TEAD1: variants seen among roughly 807,000 people sequenced by gnomAD.
TEAD1 encodes the protein TEA domain transcription factor 1, also known as transcriptional enhancer factor TEF-1.
In TEAD1, 9 loss-of-function variants were observed where a neutral mutation model predicts 54.9. That is an observed-to-expected ratio of 0.16 (90% CI 0.10 to 0.29). The LOEUF is 0.29. TEAD1 is among the 10% of genes least tolerant of loss of function. The pLI is 1.00. For missense variants in TEAD1, 387 were observed against 535.9 expected (o/e 0.72, Z 2.74); for synonymous variants, 200 against 187.8 (o/e 1.07, Z -0.53).
At chr11:12,903,856 T>C (rs1265258644) in intron 10 of TEAD1, among the ~76,000 whole-genome samples, 4 of 152,206 alleles carry the variant, frequency 2.6e-5, no homozygotes, top group Non-Finnish European at 5.9e-5. Flanking sequence ...TCTACTTATA[T>C]TAATGGATGT....
At chr11:12,698,993 A>G (rs952730324) in intron 2 of TEAD1, among the ~76,000 whole-genome samples, 4 of 152,228 alleles carry the variant, frequency 2.6e-5, no homozygotes, top group African/African-American at 9.6e-5. Flanking sequence ...TTATTTGCAT[A>G]CTAAAGACTT....
At chr11:12,917,497 T>G (rs12799907) in intron 10 of TEAD1, among the ~76,000 whole-genome samples, 24,439 of 152,242 alleles carry the variant, frequency 0.16, 2,143 homozygotes, top group Admixed American at 0.21. Flanking sequence ...GAAAAAAGCA[T>G]TAACAGTTAA....
chr11:12,831,328 C>A lies in TEAD1; in HGVS notation c.203-30922C>A, dbSNP rs553073141. On this transcript the variant is annotated intron_variant, in intron 3 of 12. Coordinates refer to ENST00000527636, the MANE Select transcript of TEAD1 (RefSeq NM_021961.6). The stretch of plus-strand genomic sequence containing the variant: ...CCCTCTGCCAGCTGAGGGCTTTCTT[C>A]TTTCCCTGAATTCCCCCAGTGCCCT... Among the ~76,000 whole-genome samples the A allele has an allele frequency of 7.2e-5, 11 of 152,282 alleles. No homozygotes were observed. The East Asian group carries it at 1.9e-3, about 27-fold the overall frequency.
chr11:12,921,111 C>T (rs1948797161), intron 10 of TEAD1: 1 of 152,210 alleles, frequency 6.6e-6, no homozygotes, highest in Non-Finnish European at 1.5e-5. Context: ...CTGAATATCT[C>T]TGAAAGGACA....
At chr11:12,841,366 G>T (rs1429884478) in intron 3 of TEAD1, among the ~76,000 whole-genome samples, 1 of 152,232 alleles carries the variant, frequency 6.6e-6, no homozygotes, top group Admixed American at 6.5e-5. Flanking sequence ...TCTGTCTGCT[G>T]TGAGTGCAGC....
chr11:12,736,777 G>C lies in TEAD1; in HGVS notation c.-54-27402G>C, dbSNP rs75662741. 7.8e-3 allele frequency among the ~76,000 whole-genome samples: 1,185 copies of C among 152,182 alleles called. 20 individuals are homozygous for C. The highest frequency in any genetic ancestry group is 0.027 in the African/African-American group (1,132 of 41,510). On this transcript the variant is annotated intron_variant, in intron 2 of 12. Coordinates refer to ENST00000527636, the MANE Select transcript of TEAD1 (RefSeq NM_021961.6). ...AAAGCAGAGAATGTCTCCTTGAAATGGCCAAATGAATCTTCTCTTTTTACT... is the reference window on the plus strand; with the variant it reads ...AAAGCAGAGAATGTCTCCTTGAAATCGCCAAATGAATCTTCTCTTTTTACT...
chr11:12,837,183 G>A (rs561066456), intron 3 of TEAD1, among the ~76,000 whole-genome samples: 4 of 152,216 alleles, frequency 2.6e-5, no homozygotes, highest in South Asian at 4.2e-4. Flanking sequence ...TAAAAGGGAC[G>A]GTATAATTGG....
chr11:12,765,382 G>C (rs1286095923), intron 3 of TEAD1, among the ~76,000 whole-genome samples: 2 of 152,190 alleles, frequency 1.3e-5, no homozygotes, highest in Admixed American at 1.3e-4. Context: ...CACTGTAGCT[G>C]AGTCTAAAAA....
intron 2 of TEAD1, among the ~76,000 whole-genome samples, chr11:12,724,585 A>G (rs865868958): frequency 6.6e-6 from 1 of 152,248 alleles, no homozygotes; most frequent in Non-Finnish European, 1.5e-5. Context: ...GCGCGTGCAC[A>G]CGCAAGCCTA....
At chr11:12,689,031 GTTTA>G (rs1359111104) in intron 2 of TEAD1, among the ~76,000 whole-genome samples, 1 of 150,894 alleles carries the variant, frequency 6.6e-6, no homozygotes, top group South Asian at 2.1e-4. Context: ...TTTTGTTGTT[GTTTA>G]TTTGTTTGTT....
intron 3 of TEAD1, among the ~76,000 whole-genome samples, chr11:12,858,750 CCACAGTACTCAGTAAGGA>C (rs1286623638): frequency 6.6e-6 from 1 of 152,168 alleles, no homozygotes; most frequent in Non-Finnish European, 1.5e-5. Context: ...AATGCCCAGG[CCACAGTACTCAGTAAGGA>C]CCTGTTGAAG....
At chr11:12,834,229 GA>G (rs1946837625) in intron 3 of TEAD1, among the ~76,000 whole-genome samples, 1 of 152,182 alleles carries the variant, frequency 6.6e-6, no homozygotes, top group Non-Finnish European at 1.5e-5. Flanking sequence ...GGTGAGATAT[GA>G]GTTATGTGGA....
rs1323118008 is a variant in TEAD1 at position 12,940,354 on chromosome 11, T to G, written c.*3132T>G. 2.0e-5 allele frequency: 3 copies of G among 152,116 alleles called. No individual in the cohort carries two copies. In the East Asian group the frequency reaches 5.8e-4, roughly 29 times the overall value. The allele number at this position is 152,116 out of a possible 1,614,324, so 9.4% of individuals were successfully genotyped here. Reference sequence around the variant, plus strand: ...ACCCAGTAGTACCACTAGCACCTATTCCCCACCCAGCGTGTCTCCAGATAT... The same window carrying G: ...ACCCAGTAGTACCACTAGCACCTATGCCCCACCCAGCGTGTCTCCAGATAT... On this transcript the variant is annotated 3_prime_UTR_variant, in exon 13 of 13. Transcript: ENST00000527636.
At chr11:12,751,089 T>G (rs1944859939) in intron 2 of TEAD1, among the ~76,000 whole-genome samples, 2 of 152,024 alleles carry the variant, frequency 1.3e-5, no homozygotes, top group African/African-American at 4.8e-5. Context: ...GGCAGGAGAA[T>G]CGCTTGAGGC....
At chr11:12,883,927 G>A (rs979846528) in intron 9 of TEAD1, among the ~76,000 whole-genome samples, 2 of 151,728 alleles carry the variant, frequency 1.3e-5, no homozygotes, top group Non-Finnish European at 2.9e-5. Flanking sequence ...CCCAGGAGGC[G>A]GAGGTTGCGG....
At chr11:12,839,290 A>G (rs1946974745) in intron 3 of TEAD1, among the ~76,000 whole-genome samples, 1 of 152,158 alleles carries the variant, frequency 6.6e-6, no homozygotes. Context: ...GCACGCCTGT[A>G]GTCCCAGCTG....
rs568945328 is a variant in TEAD1 at position 12,939,322 on chromosome 11, T to C, written c.*2100T>C. 2 of 152,360 alleles carry C rather than the reference T, an allele frequency of 1.3e-5. No individual in the cohort carries two copies. The highest frequency in any genetic ancestry group is 3.9e-4 in the East Asian group (2 of 5,186). The allele number at this position is 152,360 out of a possible 1,614,324, so 9.4% of individuals were successfully genotyped here. A position where few individuals can be genotyped will look rare whatever the true frequency, so the allele number is the denominator to read the frequency against. ...CCCCTCTTAGGGATGTTTCTTTTGC[T>C]CTTATTTCCTGCATCTTTCCTTAAG... On this transcript the variant is annotated 3_prime_UTR_variant, in exon 13 of 13. Transcript: ENST00000527636.
chr11:12,700,710 A>AT (rs1426785524), intron 2 of TEAD1, among the ~76,000 whole-genome samples: 1 of 152,116 alleles, frequency 6.6e-6, no homozygotes, highest in African/African-American at 2.4e-5. Flanking sequence ...TTGGTCAGTT[A>AT]TTTATAATAC....
chr11:12,918,831 A>C (rs1589989054), intron 10 of TEAD1, among the ~76,000 whole-genome samples: 1 of 152,244 alleles, frequency 6.6e-6, no homozygotes, highest in East Asian at 1.9e-4. Flanking sequence ...AACTATATAC[A>C]ACAACATGGT....
Sources: gnomAD v4.1 joint callset for allele counts (sites outside exome capture counted in the v4.1 genomes callset) on GRCh38, gnomAD v4.1.1 for gene constraint, MANE v1.5 for transcripts, NCBI Gene and HGNC (gene_info 2026-07-23, HGNC 2026-07-21) for gene names.